Variants in CRACDL observed in about 807,000 individuals in gnomAD.
CRACDL encodes the protein CRACD-like protein.
A neutral mutation model predicts 70.6 loss-of-function variants in CRACDL; 26 were observed. The ratio of observed to expected loss-of-function variants is 0.37; its 90% confidence interval spans 0.27 to 0.51. CRACDL has a LOEUF of 0.51. Ranked by LOEUF, CRACDL falls within the 20% of genes least tolerant of loss-of-function variation. CRACDL has a pLI of 0.94. For missense variants in CRACDL, 1,283 were observed against 1,376.9 expected, an observed-to-expected ratio of 0.93 and a Z score of 1.08; for synonymous variants, 618 against 615.2, an observed-to-expected ratio of 1.00 and a Z score of -0.07.
intron 1 of CRACDL, among the ~76,000 whole-genome samples, chr2:98,880,760 C>A (rs1397447479): frequency 6.6e-6 from 1 of 152,176 alleles, no homozygotes; most frequent in Non-Finnish European, 1.5e-5. Context: ...AGACTTGCCC[C>A]AATGGGTCCC....
At chr2:98,905,198 C>G (rs1166588797) in intron 1 of CRACDL, among the ~76,000 whole-genome samples, 2 of 145,694 alleles carry the variant, frequency 1.4e-5, no homozygotes, top group Non-Finnish European at 3.0e-5. Flanking sequence ...TGCAGTGAGC[C>G]GAGATTGCAC....
chr2:98,828,789 A>C (rs955813690), intron 5 of CRACDL, among the ~76,000 whole-genome samples: 2 of 152,230 alleles, frequency 1.3e-5, no homozygotes, highest in African/African-American at 2.4e-5. Context: ...GGAATAAAGC[A>C]ATAAAAATTA....
intron 7 of CRACDL, among the ~76,000 whole-genome samples, chr2:98,817,355 T>C (rs1236564467): frequency 6.6e-6 from 1 of 152,200 alleles, no homozygotes; most frequent in Non-Finnish European, 1.5e-5. Flanking sequence ...TCTCATGTTA[T>C]GTGTTCATAT....
At chr2:98,864,616 G>A (rs1010329814) in intron 1 of CRACDL, among the ~76,000 whole-genome samples, 4 of 150,352 alleles carry the variant, frequency 2.7e-5, no homozygotes, top group East Asian at 2.0e-4. Flanking sequence ...GCACGATCTC[G>A]GCTCACTGCA....
At chr2:98,920,849 A>G (rs1339593367) in intron 1 of CRACDL, among the ~76,000 whole-genome samples, 13 of 152,200 alleles carry the variant, frequency 8.5e-5, no homozygotes, top group Admixed American at 8.5e-4. Flanking sequence ...ATCCTGCCTC[A>G]TATCCAGTGC....
chr2:98,812,375 T>C (rs926520641), intron 7 of CRACDL, among the ~76,000 whole-genome samples: 3 of 152,228 alleles, frequency 2.0e-5, no homozygotes, highest in East Asian at 1.9e-4. Flanking sequence ...TAAAGTGGAA[T>C]TGCTGGGTCA....
At chr2:98,891,196 T>G (rs1707962777) in intron 1 of CRACDL, among the ~76,000 whole-genome samples, 1 of 150,754 alleles carries the variant, frequency 6.6e-6, no homozygotes, top group Non-Finnish European at 1.5e-5. Context: ...CTGGCCAACA[T>G]GATGAAACCG....
In CRACDL at chr2:98,832,843, T is replaced by C. The variant is rs773948527; in HGVS notation, c.375+19A>G. On this transcript the variant is annotated intron_variant, in intron 4 of 9. Transcript: ENST00000397899. ...TATTTGACTTGCACACCAGGCGACA[T>C]GACCAAGGAAACATTTACCTGCAGA... 5 of 1,612,992 alleles carry C rather than the reference T, an allele frequency of 3.1e-6. No homozygotes were observed. Among genetic ancestry groups the C allele is most frequent in the Non-Finnish European group, 4.2e-6 (5 of 1,179,782 alleles).
chr2:98,818,434 G>A (rs1310451843), intron 7 of CRACDL, among the ~76,000 whole-genome samples: 2 of 152,188 alleles, frequency 1.3e-5, no homozygotes, highest in African/African-American at 4.8e-5. Context: ...AGGTGCTGGG[G>A]ACAAAGCAGT....
chr2:98,863,472 A>G (rs1707014045), intron 1 of CRACDL, among the ~76,000 whole-genome samples: 1 of 152,228 alleles, frequency 6.6e-6, no homozygotes, highest in African/African-American at 2.4e-5. Context: ...AAAGATCTCA[A>G]TAAAAGTAAA....
chr2:98,931,950 C>G (rs1709089299), intron 1 of CRACDL, among the ~76,000 whole-genome samples: 1 of 152,250 alleles, frequency 6.6e-6, no homozygotes, highest in African/African-American at 2.4e-5. Context: ...AAAAGCAATA[C>G]AAATATCTTC....
chr2:98,933,842 C>T (rs937315053), intron 1 of CRACDL, among the ~76,000 whole-genome samples: 1 of 152,102 alleles, frequency 6.6e-6, no homozygotes, highest in Non-Finnish European at 1.5e-5. Flanking sequence ...TACCATAAAC[C>T]GGGCAGCTCA....
At chr2:98,906,857 G>C (rs752007060) in intron 1 of CRACDL, among the ~76,000 whole-genome samples, 7 of 152,136 alleles carry the variant, frequency 4.6e-5, no homozygotes, top group Non-Finnish European at 1.0e-4. Flanking sequence ...TCCTAACAAG[G>C]CTTGTTTTTA....
chr2:98,870,323 TG>T (rs1195814704), intron 1 of CRACDL, among the ~76,000 whole-genome samples: 1 of 152,240 alleles, frequency 6.6e-6, no homozygotes, highest in Non-Finnish European at 1.5e-5. Flanking sequence ...GTTTTCCAAA[TG>T]GCAACTGTAT....
chr2:98,820,093 C>G (rs1484622997), intron 7 of CRACDL, among the ~76,000 whole-genome samples: 3 of 151,102 alleles, frequency 2.0e-5, no homozygotes, highest in African/African-American at 7.3e-5. Context: ...GCTGGGATTA[C>G]AAGTGTGAGC....
At chr2:98,892,613 C>A (rs1573156476) in intron 1 of CRACDL, among the ~76,000 whole-genome samples, 1 of 151,798 alleles carries the variant, frequency 6.6e-6, no homozygotes, top group Non-Finnish European at 1.5e-5. Context: ...TCGCTTTAAC[C>A]CAGAAGGCAG....
intron 7 of CRACDL, 71 bp from the exon 8 acceptor site, chr2:98,797,608 G>T: frequency 7.0e-7 from 1 of 1,438,034 alleles, no homozygotes; most frequent in Non-Finnish European, 9.6e-7. Flanking sequence ...TGTGTCTCCT[G>T]CACAGAGAAC....
chr2:98,837,221 AAAAG>A (rs1158853223), intron 3 of CRACDL, among the ~76,000 whole-genome samples: 1 of 151,868 alleles, frequency 6.6e-6, no homozygotes, highest in African/African-American at 2.4e-5. Context: ...AAAAAAAAAA[AAAAG>A]GTTCCAATCT....
chr2:98,912,317 T>C (rs531816386), intron 1 of CRACDL, among the ~76,000 whole-genome samples: 5 of 152,252 alleles, frequency 3.3e-5, no homozygotes, highest in Non-Finnish European at 7.3e-5. Context: ...TCTGCCTGCC[T>C]GGGTGTGCTG....
Sources: allele counts gnomAD v4.1 joint callset (sites outside exome capture counted in the v4.1 genomes callset), GRCh38; gene constraint gnomAD v4.1.1; transcripts MANE v1.5; gene names NCBI Gene and HGNC (gene_info 2026-07-23, HGNC 2026-07-21).